The following ZNF536 variants were observed in gnomAD, a reference collection of about 807,000 sequenced individuals.
The protein encoded by ZNF536 is zinc finger protein 536.
Under a neutral mutation model 84.5 loss-of-function variants are expected in ZNF536, and 13 were observed. The ratio of observed to expected loss-of-function variants is 0.15; its 90% CI spans 0.10 to 0.24. The LOEUF (loss-of-function observed/expected upper bound fraction) is 0.24, where lower values mean the gene tolerates loss of function less well. Among genes scored for constraint, ZNF536 ranks in the 10% least tolerant of loss-of-function variants. The probability of loss-of-function intolerance (pLI) is 1.00; values close to 1 mark genes in which losing one functional copy is unlikely to be tolerated. For missense variants in ZNF536, 1,536 were observed against 1,747.5 expected, an observed-to-expected ratio of 0.88 and a Z score of 2.16; for synonymous variants, 811 against 742.5, an observed-to-expected ratio of 1.09 and a Z score of -1.50.
rs75774142 is a variant in ZNF536 at position 30,612,398 on chromosome 19, G to A, written c.169+62884G>A. Among the ~76,000 whole-genome samples the A allele has an allele frequency of 7.8e-3, 1,184 of 152,186 alleles. 6 individuals are homozygous for A. The highest frequency in any genetic ancestry group is 0.02 in the Middle Eastern group (6 of 294). On this transcript the variant is annotated intron_variant, in intron 1 of 1. Coordinates refer to the ZNF536 transcript ENST00000592773. ...CCCCAAGTGACTTGCCTGACTTTGC[G>A]GGACCATCACCTCTTTACCAACCAG...
rs563468933 is a variant in ZNF536 at position 30,700,542 on chromosome 19, C to T, written c.170-10215C>T. 2.0e-5 allele frequency among the ~76,000 whole-genome samples: 3 copies of T among 152,206 alleles called. No individual in the cohort carries two copies. In the East Asian group the frequency reaches 5.8e-4, roughly 29 times the overall value. ...AGCTGGGATCACAGATGTGTGCCAC[C>T]ATACCTGGCTCATTTTAAAATTTTT... On this transcript the variant is annotated intron_variant, in intron 1 of 1. Transcript: ENST00000592773.
intron 1 of ZNF536, among the ~76,000 whole-genome samples, chr19:30,433,561 G>C (rs978648574): frequency 6.6e-6 from 1 of 152,126 alleles, no homozygotes; most frequent in Non-Finnish European, 1.5e-5. Flanking sequence ...GCAATGGCGC[G>C]ATCTCGGTTC....
At chr19:30,418,164 A>ATC (rs1211221743) in intron 1 of ZNF536, among the ~76,000 whole-genome samples, 1 of 152,084 alleles carries the variant, frequency 6.6e-6, no homozygotes, top group Non-Finnish European at 1.5e-5. Flanking sequence ...GATGTCTATC[A>ATC]AAATGATCAT....
rs575264322 is a variant in ZNF536, at chr19:30,389,279, C to A, written c.-3+16723C>A. On this transcript the variant is annotated intron_variant, in intron 1 of 4. Transcript: ENST00000355537. Reference sequence around the variant, plus strand: ...GGCCAACCATGTGGTTGGTGATACTCGTGTATAGGGTACATTTGGGGAGAG... The same window carrying A: ...GGCCAACCATGTGGTTGGTGATACTAGTGTATAGGGTACATTTGGGGAGAG... 6.6e-5 allele frequency among the ~76,000 whole-genome samples: 10 copies of A among 152,238 alleles called. No individual in the cohort carries two copies. In the South Asian group the frequency reaches 2.1e-3, roughly 32 times the overall value.
In ZNF536 at chr19:30,444,093, G is replaced by A. The variant is rs761872698; in HGVS notation, c.531G>A (p.Leu177=). Residue 177 remains leucine, a synonymous_variant, in exon 2 of 5, where the codon CTG becomes CTA. Coordinates refer to ENST00000355537, the MANE Select transcript of ZNF536 (RefSeq NM_014717.3). ...AGAAGGGGAACCTCAAGATTCACCT[G>A]CGGACCCACAAGCTGGGCAACCTGG... ...AAQKGNLKIH[L]RTHKLGNLGK... The A allele has an allele frequency of 6.2e-7, 1 of 1,612,808 alleles. No individual in the cohort carries two copies. The highest frequency in any genetic ancestry group is 1.1e-5 in the South Asian group (1 of 91,062).
chr19:30,378,626 C>T (rs1460267906), intron 1 of ZNF536, among the ~76,000 whole-genome samples: 1 of 152,204 alleles, frequency 6.6e-6, no homozygotes, highest in Non-Finnish European at 1.5e-5. Flanking sequence ...AAAGTTCTGC[C>T]TTAGACCCAA....
intron 2 of ZNF536, among the ~76,000 whole-genome samples, chr19:30,303,793 G>T (rs899902352): frequency 6.6e-6 from 1 of 152,130 alleles, no homozygotes; most frequent in East Asian, 1.9e-4. Context: ...ATGCCCAGCC[G>T]ACACTTTTTT....
At chr19:30,420,509 C>G (rs1250058073) in intron 1 of ZNF536, among the ~76,000 whole-genome samples, 13 of 152,164 alleles carry the variant, frequency 8.5e-5, no homozygotes, top group Admixed American at 8.5e-4. Context: ...TCATCAAAGT[C>G]TTAGAAAAAT....
rs569118345 is a variant in ZNF536, at chr19:30,268,840, G to A, written c.-189-15232G>A. ...CTGCAAGCCGGAACTCCCCAATCTC[G>A]CTGGCCTTAGGGTCTCCAAGAACGG... On this transcript the variant is annotated intron_variant, in intron 1 of 5. Coordinates refer to the ZNF536 transcript ENST00000585628. Among the ~76,000 whole-genome samples the A allele has an allele frequency of 2.6e-5, 4 of 152,250 alleles. No homozygotes were observed. In the East Asian group the frequency reaches 5.8e-4, roughly 22 times the overall value.
chr19:30,711,361 T>A (rs2052448734), exon 2 of ZNF536: 1 of 152,158 alleles, frequency 6.6e-6, no homozygotes, highest in South Asian at 2.1e-4. Context: ...AACGATACCA[T>A]CTAAACGATT....
intron 2 of ZNF536, among the ~76,000 whole-genome samples, chr19:30,512,178 A>G (rs2055439730): frequency 6.6e-6 from 1 of 152,182 alleles, no homozygotes; most frequent in East Asian, 1.9e-4. Flanking sequence ...GAGAATTAGA[A>G]CCATAAAATA....
chr19:30,231,022 A>T (rs2023001081), intron 1 of ZNF536, among the ~76,000 whole-genome samples: 1 of 151,592 alleles, frequency 6.6e-6, no homozygotes, highest in Non-Finnish European at 1.5e-5. Context: ...AAGCAAATAG[A>T]TTTATTTTTC....
At chr19:30,264,419 GTA>G (rs1267088713) in intron 1 of ZNF536, among the ~76,000 whole-genome samples, 1 of 142,538 alleles carries the variant, frequency 7.0e-6, no homozygotes, top group Admixed American at 7.2e-5. Context: ...GTGTGTGTGT[GTA>G]TGTGTGTGTA....
intron 1 of ZNF536, among the ~76,000 whole-genome samples, chr19:30,442,857 C>CAT (rs2052118965): frequency 1.3e-5 from 2 of 152,190 alleles, no homozygotes; most frequent in Non-Finnish European, 2.9e-5. Flanking sequence ...TCATGTGTTA[C>CAT]AGCACCTAGT....
chr19:30,588,566 AT>A (rs944400710), intron 1 of ZNF536, among the ~76,000 whole-genome samples: 1 of 151,856 alleles, frequency 6.6e-6, no homozygotes, highest in Non-Finnish European at 1.5e-5. Context: ...TCCTGTTTCC[AT>A]TTTTTTTCTA....
chr19:30,382,114 G>A (rs559369473), intron 1 of ZNF536, among the ~76,000 whole-genome samples: 1 of 152,192 alleles, frequency 6.6e-6, no homozygotes, highest in South Asian at 2.1e-4. Flanking sequence ...TCTTTTCCAC[G>A]GATTGCTACC....
intron 1 of ZNF536, among the ~76,000 whole-genome samples, chr19:30,591,817 C>A (rs941275703): frequency 1.3e-5 from 2 of 152,122 alleles, no homozygotes; most frequent in African/African-American, 4.8e-5. Context: ...GGGGCACCAC[C>A]CTTCAGAATT....
intron 1 of ZNF536, among the ~76,000 whole-genome samples, chr19:30,252,857 G>A (rs537514951): frequency 1.3e-5 from 2 of 152,316 alleles, no homozygotes; most frequent in Non-Finnish European, 2.9e-5. Context: ...CCCCACTGTA[G>A]GAATATTTAG....
chr19:30,485,528 T>C (rs1475547701), intron 2 of ZNF536, among the ~76,000 whole-genome samples: 1 of 152,156 alleles, frequency 6.6e-6, no homozygotes, highest in Middle Eastern at 3.2e-3. Context: ...TTGCTGTTCT[T>C]AAAGCTCATC....
Sources: gnomAD v4.1 joint callset for allele counts (sites outside exome capture counted in the v4.1 genomes callset) on GRCh38, gnomAD v4.1.1 for gene constraint, MANE v1.5 for transcripts, NCBI Gene and HGNC (gene_info 2026-07-23, HGNC 2026-07-21) for gene names.